Variants in TIMD4 observed in about 807,000 individuals in gnomAD.
TIMD4 encodes the protein T cell immunoglobulin and mucin domain containing 4.
TIMD4 carries 31 observed loss-of-function variants against 41.2 expected under a neutral mutation model. The observed-to-expected ratio is 0.75, with a 90% CI of 0.57 to 1.01. The LOEUF (loss-of-function observed/expected upper bound fraction) is 1.01. TIMD4 is among the 50% of genes least tolerant of loss of function. The pLI, the probability that TIMD4 is intolerant of heterozygous loss-of-function variation, is 0.00. For synonymous variants in TIMD4, 204 were observed against 177.1 expected, an observed-to-expected ratio of 1.15 and a Z score of -1.21; for missense variants, 479 against 472.5, an observed-to-expected ratio of 1.01 and a Z score of -0.13.
At chr5:156,935,588 T>G (rs1759524968) in intron 5 of TIMD4, 2 of 152,148 alleles carry the variant, frequency 1.3e-5, no homozygotes, top group South Asian at 4.2e-4. Context: ...TGGCACCCAA[T>G]GTGGTTCAGA....
chr5:156,951,751 C>A lies in TIMD4; in HGVS notation c.440G>T (p.Arg147Leu), dbSNP rs753614328. The A allele has an allele frequency of 1.2e-6, 2 of 1,613,826 alleles. No individual in the cohort carries two copies. Among genetic ancestry groups the A allele is most frequent in the Non-Finnish European group, 1.7e-6 (2 of 1,179,966 alleles). The change falls in exon 3 of 9, where the codon CGC (arginine) becomes CTC (leucine). Residue 147 changes from arginine (R) to leucine (L), a missense_variant. By Grantham distance (102) the Arg-to-Leu change is moderately radical. Coordinates refer to ENST00000274532, the MANE Select transcript of TIMD4 (RefSeq NM_138379.3). Reference sequence around the variant, plus strand: ...GGTGGGGCTTGTTGTTGTTGTTCTGCGTGTGGTGGTGGTTGCTGTTCTGTG... The same window carrying A: ...GGTGGGGCTTGTTGTTGTTGTTCTGAGTGTGGTGGTGGTTGCTGTTCTGTG... ...TTHRTATTTT[R>L]RTTTTSPTTT...
rs367798327 is a variant in TIMD4 at position 156,922,055 on chromosome 5, G to A, written c.1012+44C>T. The stretch of plus-strand genomic sequence containing the variant: ...GACAACTCCAGATCCTCCTGCAGTC[G>A]CCAGGGTTCTGAAGTGCTCCATCAC... On this transcript the variant is annotated intron_variant, in intron 7 of 8. Coordinates refer to ENST00000274532, the MANE Select transcript of TIMD4 (RefSeq NM_138379.3). 28 of 1,488,436 alleles carry A rather than the reference G, an allele frequency of 1.9e-5. No individual in the cohort carries two copies. In the East Asian group the frequency reaches 2.7e-4, roughly 15 times the overall value. The allele number at this position is 1,488,436 out of a possible 1,614,324, so 92.2% of individuals were successfully genotyped here. A position where few individuals can be genotyped will look rare whatever the true frequency, so the allele number is the denominator to read the frequency against.
At chr5:156,956,761 T>C (rs1759978989) in intron 1 of TIMD4, among the ~76,000 whole-genome samples, 1 of 152,184 alleles carries the variant, frequency 6.6e-6, no homozygotes, top group Non-Finnish European at 1.5e-5. Context: ...AGATCTCAGA[T>C]TGTTGAGACC....
At chr5:156,963,064 A>C in intron 1 of TIMD4, 77 bp downstream of exon 1, 1 of 1,466,696 alleles carries the variant, frequency 6.8e-7, no homozygotes, top group Middle Eastern at 1.7e-4. Flanking sequence ...ACTGAGGCCC[A>C]AACCAGTGCA....
At chr5:156,951,847 A>G (rs1177795645) in intron 2 of TIMD4, 57 bp from the exon 3 acceptor site, 1 of 1,602,490 alleles carries the variant, frequency 6.2e-7, no homozygotes, top group Non-Finnish European at 8.5e-7. Context: ...AAAAGAAAAT[A>G]ATGCAAGTAT....
At chr5:156,923,560 GACAAGGTCTT>G (rs1245774775) in intron 6 of TIMD4, among the ~76,000 whole-genome samples, 1 of 150,764 alleles carries the variant, frequency 6.6e-6, no homozygotes, top group African/African-American at 2.4e-5. Flanking sequence ...CTTTTGTAGA[GACAAGGTCTT>G]GCTCTTGCCC....
intron 1 of TIMD4, among the ~76,000 whole-genome samples, chr5:156,959,346 C>T (rs1760036976): frequency 6.6e-6 from 1 of 152,094 alleles, no homozygotes; most frequent in African/African-American, 2.4e-5. Flanking sequence ...GGGGATAATA[C>T]TCACCTCAGA....
In TIMD4 at chr5:156,923,036, A is replaced by T. The variant is rs548068301; in HGVS notation, c.895-820T>A. ...TAACAAACTTGCACATGTACCCCTG[A>T]ACCTAAAAGAAAAGTTTAAACTTTT... On this transcript the variant is annotated intron_variant, in intron 6 of 8. Transcript: ENST00000274532. 1.3e-4 allele frequency among the ~76,000 whole-genome samples: 20 copies of T among 152,242 alleles called. No individual in the cohort carries two copies. The East Asian group carries it at 3.7e-3, about 28-fold the overall frequency.
At position 156,954,570 on chromosome 5, in the gene TIMD4, G is replaced by C. The variant is rs1759931959; in HGVS notation, c.245C>G (p.Ala82Gly). The change falls in exon 2 of 9, where the codon GCA becomes GGA. Residue 82 changes from alanine to glycine, a missense_variant. By Grantham distance (60) the Ala-to-Gly change is moderately conservative. Coordinates refer to ENST00000274532, the MANE Select transcript of TIMD4 (RefSeq NM_138379.3). ...GATAGTCCCCTGAAGTCTATATTTT[G>C]CTGACTTTCTTGAGGTCACCCTCAT... ...DGMRVTSRKS[A>G]KYRLQGTIPR... 6.2e-7 allele frequency: 1 copy of C among 1,614,254 alleles called. No individual in the cohort carries two copies. Among genetic ancestry groups the C allele is most frequent in the Non-Finnish European group, 8.5e-7 (1 of 1,180,046 alleles).
intron 5 of TIMD4, among the ~76,000 whole-genome samples, chr5:156,935,214 T>C (rs1034786782): frequency 4.6e-5 from 7 of 151,892 alleles, no homozygotes; most frequent in Admixed American, 2.6e-4. Flanking sequence ...AGAGGGAAGC[T>C]GAAATCTAGA....
chr5:156,953,814 C>T (rs896115763), intron 2 of TIMD4, among the ~76,000 whole-genome samples: 4 of 152,160 alleles, frequency 2.6e-5, no homozygotes, highest in Non-Finnish European at 4.4e-5. Flanking sequence ...CTATACTGGA[C>T]AAGCCCTAAA....
intron 5 of TIMD4, 137 bp from the exon 6 acceptor site, chr5:156,926,449 A>C (rs147874841): frequency 1.5e-5 from 12 of 799,358 alleles, no homozygotes; most frequent in Non-Finnish European, 2.2e-5. Context: ...TTTTTGTATA[A>C]TCTATTTATG....
chr5:156,955,601 A>G (rs1253706638), intron 1 of TIMD4, among the ~76,000 whole-genome samples: 2 of 151,942 alleles, frequency 1.3e-5, no homozygotes, highest in Non-Finnish European at 2.9e-5. Context: ...GCTTGCAGTG[A>G]GCCGAGATCA....
At position 156,954,440 on chromosome 5, in the gene TIMD4, T is replaced by G. The variant is rs112267968; in HGVS notation, c.375A>C (p.Ile125=). 52 of 1,614,128 alleles carry G rather than the reference T, an allele frequency of 3.2e-5. No homozygotes were observed. In the African/African-American group the frequency reaches 5.7e-4, roughly 18 times the overall value. ...EVPGWFNDVK[I]NVRLNLQRAS... ...CTCTCTGTAGATTCAGGCGCACGTT[T>G]ATCTTTACATCGTTGAACCAGCCAG... The change falls in exon 2 of 9, where the codon ATA becomes ATC. Residue 125 remains isoleucine, a synonymous_variant. Coordinates refer to ENST00000274532, the MANE Select transcript of TIMD4 (RefSeq NM_138379.3).
Position 156,922,126 on chromosome 5 carries a change from C to T in TIMD4, c.985G>A (p.Ala329Thr), listed in dbSNP as rs377724087. 9 of 1,613,656 alleles carry T rather than the reference C, an allele frequency of 5.6e-6. No homozygotes were observed. The highest frequency in any genetic ancestry group is 3.3e-5 in the Admixed American group (2 of 59,932). ...CTCAGGAGAAACGCCACAAACAATG[C>T]GAAGAGCACAAATCCCAAGGAGGGG... is the stretch of plus-strand genomic sequence containing the variant. ...IAPSLGFVLF[A>T]LFVAFLLRGK... is the part of the protein sequence containing the mutation. The change falls in exon 7 of 9, where the codon GCA becomes ACA. Residue 329 changes from alanine to threonine, a missense_variant. Coordinates refer to ENST00000274532, the MANE Select transcript of TIMD4 (RefSeq NM_138379.3).
chr5:156,944,320 A>G (rs1365952152), intron 5 of TIMD4, among the ~76,000 whole-genome samples: 3 of 152,184 alleles, frequency 2.0e-5, no homozygotes, highest in Admixed American at 2.0e-4. Flanking sequence ...ACTTTGCCCC[A>G]GAAAAATGTG....
rs573969253 is a variant in TIMD4, at chr5:156,949,410, C to T, written c.760+241G>A. On this transcript the variant is annotated intron_variant, in intron 4 of 8. Transcript: ENST00000274532. Reference sequence around the variant, plus strand: ...ACCAATCAAGAAGGGTCTTCCTTTTCCCTACCTCCCTCCTCCTCCTCCTCC... The same window carrying T: ...ACCAATCAAGAAGGGTCTTCCTTTTTCCTACCTCCCTCCTCCTCCTCCTCC... Among the ~76,000 whole-genome samples the T allele has an allele frequency of 2.8e-4, 38 of 135,714 alleles. 1 individual carries two copies. The East Asian group carries it at 6.5e-3, about 23-fold the overall frequency. 89.0% of individuals were successfully genotyped at this position (135,714 alleles called of 152,430 possible).
intron 5 of TIMD4, among the ~76,000 whole-genome samples, chr5:156,933,962 C>G (rs951109385): frequency 2.0e-5 from 3 of 152,182 alleles, no homozygotes; most frequent in Non-Finnish European, 4.4e-5. Flanking sequence ...TAAGAGCCTT[C>G]AGAAGTTAGG....
rs769294427 is a variant in TIMD4, at chr5:156,963,135, A to G, written c.58+6T>C. On this transcript the variant is annotated splice_donor_region_variant and intron_variant, in intron 1 of 8. Coordinates refer to ENST00000274532, the MANE Select transcript of TIMD4 (RefSeq NM_138379.3). ...ACTTCTACATAGAAGGTTTCAGAACACTTACTCAGGTAAAGCCACCAAAAC... is the reference window on the plus strand; with the variant it reads ...ACTTCTACATAGAAGGTTTCAGAACGCTTACTCAGGTAAAGCCACCAAAAC... 10 of 1,613,872 alleles carry G rather than the reference A, an allele frequency of 6.2e-6. No homozygotes were observed. Among genetic ancestry groups the G allele is most frequent in the South Asian group, 1.1e-5 (1 of 91,090 alleles).
Sources: allele counts gnomAD v4.1 joint callset (sites outside exome capture counted in the v4.1 genomes callset), GRCh38; gene constraint gnomAD v4.1.1; transcripts MANE v1.5; gene names NCBI Gene and HGNC (gene_info 2026-07-23, HGNC 2026-07-21).